LYZL1: variants seen among roughly 807,000 people sequenced by gnomAD.
LYZL1 encodes the protein lysozyme-like protein 1.
LYZL1 carries 16 observed loss-of-function variants against 17.9 expected under a neutral mutation model. The ratio of observed to expected loss-of-function variants is 0.90; its 90% CI spans 0.61 to 1.36. The LOEUF (loss-of-function observed/expected upper bound fraction) is 1.36. LYZL1 is among the 40% of genes most tolerant of loss of function. LYZL1 has a pLI of 0.00. For missense variants in LYZL1, 149 were observed against 188.4 expected, an observed-to-expected ratio of 0.79 and a Z score of 1.22; for synonymous variants, 58 against 71.8, an observed-to-expected ratio of 0.81 and a Z score of 0.97.
intron 3 of LYZL1, 150 bp from the exon 4 acceptor site, chr10:29,309,960 T>TGAAA (rs1564394014): frequency 3.5e-6 from 2 of 571,698 alleles, no homozygotes; most frequent in Non-Finnish European, 6.1e-6. Context: ...AGAAGCTTAA[T>TGAAA]GAAAATAAGA....
chr10:29,314,489 C>T (rs371896137), downstream of LYZL1, among the ~76,000 whole-genome samples: 15 of 152,262 alleles, frequency 9.9e-5, no homozygotes, highest in African/African-American at 3.1e-4. Context: ...TGGTGCACAC[C>T]TGTAGTTCCA....
intron 3 of LYZL1, among the ~76,000 whole-genome samples, chr10:29,307,743 A>AT (rs568482203): frequency 5.3e-4 from 80 of 152,264 alleles, no homozygotes; most frequent in African/African-American, 1.8e-3. Flanking sequence ...AGGCAATTGG[A>AT]TTTTTTTCAT....
At chr10:29,316,677 G>GT (rs57432100) in intron 3 of LYZL1, among the ~76,000 whole-genome samples, 3,933 of 140,852 alleles carry the variant, frequency 0.028, 64 homozygotes, top group African/African-American at 0.034. Context: ...TTTCTTCCAG[G>GT]TTTTTTTTTT....
At chr10:29,293,127 C>CTTTTTTTTTTTTTTTTT (rs778807136) in intron 3 of LYZL1, among the ~76,000 whole-genome samples, 2 of 104,196 alleles carry the variant, frequency 1.9e-5, no homozygotes, top group Non-Finnish European at 2.0e-5. Context: ...CTTTTCTTTT[C>CTTTTTTTTTTTTTTTTT]TTTTTTCTTT....
chr10:29,306,441 T>TCGGGAGGCTGAGG (rs1306367700), intron 3 of LYZL1, among the ~76,000 whole-genome samples: 3 of 141,222 alleles, frequency 2.1e-5, no homozygotes, highest in African/African-American at 7.9e-5. Flanking sequence ...TCCCAGCTAC[T>TCGGGAGGCTGAGG]CGGGAGGCTG....
chr10:29,310,950 A>G (rs1373386729), intron 4 of LYZL1, 40 bp from the exon 5 acceptor site: 2 of 1,614,146 alleles, frequency 1.2e-6, no homozygotes, highest in Non-Finnish European at 8.5e-7. Context: ...TTGGATTGTC[A>G]CGCTTCTTTC....
In LYZL1 at chr10:29,293,840, G is replaced by C. The variant is rs1835410866; in HGVS notation, c.298+1163G>C. 2.6e-5 allele frequency among the ~76,000 whole-genome samples: 4 copies of C among 152,026 alleles called. No homozygotes were observed. In the South Asian group the frequency reaches 8.3e-4, roughly 32 times the overall value. Reference sequence around the variant, plus strand: ...AATACAAAAATTAGCTGGGCACGGTGGTAGGTGCCTGTAATCCCAGCTACT... The same window carrying C: ...AATACAAAAATTAGCTGGGCACGGTCGTAGGTGCCTGTAATCCCAGCTACT... On this transcript the variant is annotated intron_variant, in intron 3 of 4. Transcript: ENST00000649382.
chr10:29,292,438 A>G, intron 2 of LYZL1, 81 bp from the exon 3 acceptor site: 2 of 1,564,252 alleles, frequency 1.3e-6, no homozygotes, highest in Non-Finnish European at 1.7e-6. Flanking sequence ...GGTAACAAGG[A>G]TAAGGAAACT....
intron 1 of LYZL1, among the ~76,000 whole-genome samples, chr10:29,289,471 T>A (rs1226047066): frequency 6.7e-6 from 1 of 148,774 alleles, no homozygotes; most frequent in Admixed American, 6.8e-5. Flanking sequence ...CAGGCTGGAG[T>A]GCAGTGTCAC....
chr10:29,308,589 C>CT (rs1835627655), intron 3 of LYZL1, among the ~76,000 whole-genome samples: 1 of 152,222 alleles, frequency 6.6e-6, no homozygotes, highest in African/African-American at 2.4e-5. Flanking sequence ...TCTGAGGCTA[C>CT]TTTTCAGGCA....
chr10:29,300,181 A>G (rs189349487), intron 3 of LYZL1, among the ~76,000 whole-genome samples: 342 of 152,080 alleles, frequency 2.2e-3, no homozygotes, highest in Non-Finnish European at 2.0e-3. Context: ...CCATCTTGCT[A>G]TTCTGTTTTC....
In LYZL1 at chr10:29,289,072, G is replaced by C. The variant is rs1488002093; in HGVS notation, c.-184G>C. On this transcript the variant is annotated 5_prime_UTR_variant, in exon 1 of 5. Transcript: ENST00000649382. ...CTCTAAAGAAATGTTCTTGAGCTAG[G>C]AAAGGATTACTCGCGCCTCGTTAGA... The C allele has an allele frequency of 6.7e-7, 1 of 1,492,262 alleles. No homozygotes were observed. The highest frequency in any genetic ancestry group is 2.3e-5 in the East Asian group (1 of 42,770). The allele number at this position is 1,492,262 out of a possible 1,614,324, so 92.4% of individuals were successfully genotyped here.
chr10:29,289,845 G>T (rs1588654736), intron 1 of LYZL1, among the ~76,000 whole-genome samples: 1 of 152,092 alleles, frequency 6.6e-6, no homozygotes, highest in South Asian at 2.1e-4. Context: ...TGGTCTATAC[G>T]GCCTCAAACA....
intron 1 of LYZL1, among the ~76,000 whole-genome samples, chr10:29,291,634 T>G (rs546189235): frequency 6.6e-6 from 1 of 152,216 alleles, no homozygotes; most frequent in East Asian, 1.9e-4. Flanking sequence ...CAGCATTGAC[T>G]TGAAAGTTAC....
At chr10:29,314,432 A>C (rs796684841), downstream of LYZL1, among the ~76,000 whole-genome samples, 10 of 152,306 alleles carry the variant, frequency 6.6e-5, no homozygotes, top group African/African-American at 2.4e-4. Flanking sequence ...TGGGCAACAC[A>C]GTGAGACCCC....
intron 3 of LYZL1, among the ~76,000 whole-genome samples, chr10:29,295,758 G>C (rs1835438747): frequency 6.6e-6 from 1 of 152,184 alleles, no homozygotes; most frequent in African/African-American, 2.4e-5. Flanking sequence ...GAAGAAGAAA[G>C]AGAGATTCAA....
At chr10:29,292,102 AC>A in intron 2 of LYZL1, 96 bp downstream of exon 2, 1 of 1,510,806 alleles carries the variant, frequency 6.6e-7, no homozygotes, top group Non-Finnish European at 8.9e-7. Flanking sequence ...CTTCCCAACT[AC>A]CCCTGCTCTG....
At position 29,311,140 on chromosome 10, in the gene LYZL1, C is replaced by G. The variant is rs1564394495; in HGVS notation, c.*81C>G. 3 of 1,612,918 alleles carry G rather than the reference C, an allele frequency of 1.9e-6. No homozygotes were observed. The highest frequency in any genetic ancestry group is 2.7e-5 in the African/African-American group (2 of 75,012). On this transcript the variant is annotated 3_prime_UTR_variant, in exon 5 of 5. Coordinates refer to ENST00000649382, the MANE Select transcript of LYZL1 (RefSeq NM_032517.6). ...TCCAAATGCCTGTGTCATCTTGTCC[C>G]GTTTCCTCCCAATATTCCTTCTCAA...
At chr10:29,317,393 A>G (rs1165948092) in exon 4 of LYZL1, 2 of 152,266 alleles carry the variant, frequency 1.3e-5, no homozygotes, top group Non-Finnish European at 2.9e-5. Flanking sequence ...GACTAGAAGT[A>G]TGAAAGCCAA....
Sources: allele counts gnomAD v4.1 joint callset (sites outside exome capture counted in the v4.1 genomes callset), GRCh38; gene constraint gnomAD v4.1.1; transcripts MANE v1.5; gene names NCBI Gene and HGNC (gene_info 2026-07-23, HGNC 2026-07-21).